Variants in NWD2 observed in about 807,000 individuals in gnomAD.
NWD2 encodes the protein NACHT and WD repeat domain containing 2.
Under a neutral mutation model 132.7 loss-of-function variants are expected in NWD2, and 37 were observed. That is an observed-to-expected ratio of 0.28 (90% CI 0.21 to 0.37). NWD2 has a LOEUF of 0.37. Ranked by LOEUF, NWD2 falls within the 10% of genes least tolerant of loss-of-function variation. The pLI, the probability that NWD2 is intolerant of heterozygous loss-of-function variation, is 1.00. For synonymous variants in NWD2, 705 were observed against 803.0 expected (o/e 0.88, Z 2.06); for missense variants, 1,592 against 2,122.4 (o/e 0.75, Z 4.91).
intron 1 of NWD2, among the ~76,000 whole-genome samples, chr4:37,274,452 C>T (rs1717945288): frequency 6.6e-6 from 1 of 151,870 alleles, no homozygotes; most frequent in Admixed American, 6.6e-5. Flanking sequence ...GCTTACCAAC[C>T]AAAAAAAGTC....
At chr4:37,278,603 G>C (rs545409058) in intron 1 of NWD2, among the ~76,000 whole-genome samples, 1 of 152,302 alleles carries the variant, frequency 6.6e-6, no homozygotes, top group East Asian at 1.9e-4. Context: ...CAGGAAAGCA[G>C]TACTTGAATC....
chr4:37,444,309 C>G lies in NWD2; in HGVS notation c.2321C>G (p.Ala774Gly). ...GTTTGGTCAGGGGGCAGGAGGAAAG[C>G]CTTCTGCCTTGAGGACCCCTACTTG... Reference protein sequence around the residue: ...LGVWSGGRRKAFCLEDPYLNG... With the variant: ...LGVWSGGRRKGFCLEDPYLNG... The change falls in exon 7 of 7, where the codon GCC becomes GGC. Residue 774 changes from alanine to glycine, a missense_variant. This residue lies in a region of NWD2 where 1,071 missense variants were observed against 1,398.0 expected (regional missense o/e 0.77). Transcript: ENST00000309447. The surrounding 1 kb of genome is among the most constrained non-coding windows in gnomAD (Gnocchi z 4.8). 3 of 1,551,712 alleles carry G rather than the reference C, an allele frequency of 1.9e-6. No individual in the cohort carries two copies. Among genetic ancestry groups the G allele is most frequent in the Non-Finnish European group, 2.6e-6 (3 of 1,146,978 alleles).
intron 3 of NWD2, among the ~76,000 whole-genome samples, chr4:37,408,333 C>G (rs528804663): frequency 6.6e-6 from 1 of 152,164 alleles, no homozygotes; most frequent in East Asian, 1.9e-4. Context: ...CTGGGGCACT[C>G]GAGCTTGCTT....
intron 3 of NWD2, among the ~76,000 whole-genome samples, chr4:37,384,099 G>T (rs1299233945): frequency 1.3e-5 from 2 of 152,102 alleles, no homozygotes; most frequent in Admixed American, 6.5e-5. Flanking sequence ...TGTTTATCCT[G>T]ATGCTCTCCC....
intron 4 of NWD2, 108 bp downstream of exon 4, chr4:37,430,883 T>C: frequency 1.1e-6 from 1 of 936,370 alleles, no homozygotes; most frequent in South Asian, 1.6e-5. Context: ...GACAGAAAGT[T>C]ACTCTGCCCT....
At chr4:37,325,460 A>G (rs947524410) in intron 1 of NWD2, among the ~76,000 whole-genome samples, 3 of 152,180 alleles carry the variant, frequency 2.0e-5, no homozygotes, top group Non-Finnish European at 1.5e-5. Flanking sequence ...AAATGTCACA[A>G]TATATCTGAA....
At chr4:37,362,649 A>T (rs139298171) in intron 3 of NWD2, among the ~76,000 whole-genome samples, 2,567 of 152,270 alleles carry the variant, frequency 0.017, 43 homozygotes, top group Non-Finnish European at 0.019. Context: ...CCTATCCTTC[A>T]CCATACACAA....
chr4:37,276,816 G>A (rs1718025362), intron 1 of NWD2, among the ~76,000 whole-genome samples: 1 of 152,072 alleles, frequency 6.6e-6, no homozygotes, highest in Non-Finnish European at 1.5e-5. Flanking sequence ...AGAAAATGAT[G>A]AGTTCATGTC....
intron 3 of NWD2, among the ~76,000 whole-genome samples, chr4:37,399,735 T>A (rs1479978333): frequency 2.0e-5 from 3 of 152,204 alleles, no homozygotes; most frequent in African/African-American, 7.2e-5. Flanking sequence ...AGGCCTAAAC[T>A]CTATGCTTTT....
intron 1 of NWD2, among the ~76,000 whole-genome samples, chr4:37,291,867 G>A (rs1718368348): frequency 6.6e-6 from 1 of 152,094 alleles, no homozygotes; most frequent in African/African-American, 2.4e-5. Flanking sequence ...AAGGCACCAT[G>A]CATTATATAC....
chr4:37,329,018 T>C (rs1719232918), intron 2 of NWD2, among the ~76,000 whole-genome samples: 1 of 150,642 alleles, frequency 6.6e-6, no homozygotes. Context: ...TATGAGAATT[T>C]GTTGAATGAA....
intron 3 of NWD2, among the ~76,000 whole-genome samples, chr4:37,424,200 G>T (rs1711912977): frequency 1.3e-5 from 2 of 152,206 alleles, no homozygotes; most frequent in Admixed American, 1.3e-4. Flanking sequence ...GCAGTACACA[G>T]GGTGCACATT....
At chr4:37,278,198 T>C (rs942308947) in intron 1 of NWD2, among the ~76,000 whole-genome samples, 2 of 152,200 alleles carry the variant, frequency 1.3e-5, no homozygotes, top group African/African-American at 4.8e-5. Flanking sequence ...TCCATTTACA[T>C]AACCTTAGGT....
chr4:37,342,292 A>T (rs866768725), intron 2 of NWD2, among the ~76,000 whole-genome samples: 1 of 152,004 alleles, frequency 6.6e-6, no homozygotes, highest in Non-Finnish European at 1.5e-5. Flanking sequence ...CTCTCTCATT[A>T]TGTGACTCAC....
At chr4:37,352,869 G>A (rs1719798099) in intron 2 of NWD2, among the ~76,000 whole-genome samples, 1 of 152,124 alleles carries the variant, frequency 6.6e-6, no homozygotes, top group African/African-American at 2.4e-5. Context: ...GGTTAATATT[G>A]TTATGTGTGA....
At chr4:37,368,563 A>G (rs1720145654) in intron 3 of NWD2, among the ~76,000 whole-genome samples, 1 of 152,182 alleles carries the variant, frequency 6.6e-6, no homozygotes, top group African/African-American at 2.4e-5. Flanking sequence ...GTGAGATAAT[A>G]TAATATTAGT....
intron 3 of NWD2, among the ~76,000 whole-genome samples, chr4:37,426,360 G>A (rs543384709): frequency 1.3e-5 from 2 of 152,274 alleles, no homozygotes; most frequent in Admixed American, 6.5e-5. Context: ...CTTTAAGCCT[G>A]TAGCATATTA....
At chr4:37,416,922 C>T (rs1364667113) in intron 3 of NWD2, among the ~76,000 whole-genome samples, 1 of 150,414 alleles carries the variant, frequency 6.6e-6, no homozygotes, top group East Asian at 2.0e-4. Flanking sequence ...AAGAATGATA[C>T]AATGGACTTT....
At position 37,430,780 on chromosome 4, in the gene NWD2, G is replaced by A; in HGVS notation, c.561+5G>A. 2 of 1,548,824 alleles carry A rather than the reference G, an allele frequency of 1.3e-6. No homozygotes were observed. Among genetic ancestry groups the A allele is most frequent in the Non-Finnish European group, 1.7e-6 (2 of 1,144,450 alleles). ...CTGAGAAGCAATAGAAATGCAGTAA[G>A]CTGCCTTTCCCTCAAGCCTATGGAT... On this transcript the variant is annotated splice_donor_5th_base_variant and intron_variant, in intron 4 of 6. Transcript: ENST00000309447.
Sources: gnomAD v4.1 joint callset for allele counts (sites outside exome capture counted in the v4.1 genomes callset) on GRCh38, gnomAD v4.1.1 for gene constraint, gnomAD v4.1.1 regional missense constraint, Gnocchi (gnomAD v3.1) non-coding constraint, MANE v1.5 for transcripts, NCBI Gene and HGNC (gene_info 2026-07-23, HGNC 2026-07-21) for gene names.